RSPO2: variants seen among roughly 807,000 people sequenced by gnomAD.
RSPO2 encodes the protein R-spondin 2.
Under a neutral mutation model 30.9 loss-of-function variants are expected in RSPO2, and 14 were observed. The ratio of observed to expected loss-of-function variants is 0.45; its 90% confidence interval spans 0.30 to 0.71. The LOEUF is 0.71. RSPO2 is among the 30% of genes least tolerant of loss of function. The pLI is 0.08. For synonymous variants in RSPO2, 107 were observed against 96.4 expected (o/e 1.11, Z -0.64); for missense variants, 264 against 301.9 (o/e 0.87, Z 0.93).
intron 5 of RSPO2, among the ~76,000 whole-genome samples, chr8:107,912,699 T>C (rs1382288301): frequency 6.6e-6 from 1 of 152,174 alleles, no homozygotes; most frequent in Non-Finnish European, 1.5e-5. Flanking sequence ...TAATCAAGTT[T>C]GGGGCTTCTG....
intron 2 of RSPO2, among the ~76,000 whole-genome samples, chr8:108,057,978 GC>G (rs2130695478): frequency 6.6e-6 from 1 of 152,194 alleles, no homozygotes; most frequent in Non-Finnish European, 1.5e-5. Context: ...TCCTTCTCCT[GC>G]CTAATTGCCC....
chr8:107,933,370 CAT>C (rs1363038149), intron 5 of RSPO2, among the ~76,000 whole-genome samples: 1 of 152,108 alleles, frequency 6.6e-6, no homozygotes, highest in Non-Finnish European at 1.5e-5. Context: ...GAAATATACA[CAT>C]ATTTAAATTA....
intron 3 of RSPO2, among the ~76,000 whole-genome samples, chr8:107,974,133 T>C (rs944437204): frequency 6.6e-6 from 1 of 152,080 alleles, no homozygotes. Context: ...GTCTAACTGT[T>C]CCAGGGTGGT....
chr8:107,991,183 G>A (rs192948656), intron 2 of RSPO2, among the ~76,000 whole-genome samples: 2 of 151,446 alleles, frequency 1.3e-5, no homozygotes, highest in Non-Finnish European at 2.9e-5. Context: ...GAAGGCAGAG[G>A]TTGTGGTGAA....
intron 5 of RSPO2, among the ~76,000 whole-genome samples, chr8:107,905,752 T>C (rs1294303354): frequency 6.8e-6 from 1 of 146,408 alleles, no homozygotes. Context: ...GACTGAGTTG[T>C]AAATGATGAG....
intron 2 of RSPO2, among the ~76,000 whole-genome samples, chr8:108,072,316 G>T (rs566453089): frequency 6.9e-4 from 91 of 132,654 alleles, no homozygotes; most frequent in Non-Finnish European, 1.2e-3. Flanking sequence ...AGATGGCAGA[G>T]AACTTTTTTT....
intron 2 of RSPO2, among the ~76,000 whole-genome samples, chr8:108,003,026 C>T (rs1216250825): frequency 6.7e-6 from 1 of 150,040 alleles, no homozygotes; most frequent in African/African-American, 2.5e-5. Context: ...AATCTCCAGA[C>T]TTGCACAGAA....
intron 2 of RSPO2, among the ~76,000 whole-genome samples, chr8:108,012,609 C>A (rs1356897373): frequency 6.6e-6 from 1 of 152,140 alleles, no homozygotes; most frequent in Non-Finnish European, 1.5e-5. Flanking sequence ...CTTTTATAAT[C>A]TCAAACTGCA....
chr8:107,949,853 C>T (rs1813185393), intron 5 of RSPO2, among the ~76,000 whole-genome samples: 1 of 152,164 alleles, frequency 6.6e-6, no homozygotes, highest in Non-Finnish European at 1.5e-5. Context: ...CACTTGTACC[C>T]TTTAAATTTA....
chr8:107,960,316 T>C (rs546179359), intron 4 of RSPO2, among the ~76,000 whole-genome samples: 105 of 151,768 alleles, frequency 6.9e-4, no homozygotes, highest in South Asian at 1.7e-3. Context: ...GCAGGAGCAA[T>C]AGAGTAGCTA....
intron 2 of RSPO2, among the ~76,000 whole-genome samples, chr8:108,017,212 T>C (rs1586631219): frequency 6.6e-6 from 1 of 151,860 alleles, no homozygotes; most frequent in Non-Finnish European, 1.5e-5. Context: ...AGAGACGGGG[T>C]TTCACCGTGT....
intron 2 of RSPO2, among the ~76,000 whole-genome samples, 170 bp downstream of exon 2, chr8:108,082,373 CAG>C (rs928898516): frequency 2.6e-5 from 4 of 152,166 alleles, no homozygotes; most frequent in African/African-American, 4.8e-5. Context: ...GTACAGAAAA[CAG>C]AGTGTTTTGT....
chr8:108,049,426 G>T (rs1383142555), intron 2 of RSPO2, among the ~76,000 whole-genome samples: 2 of 151,288 alleles, frequency 1.3e-5, no homozygotes, highest in African/African-American at 4.9e-5. Flanking sequence ...TGGGATACAT[G>T]TGCAGAACAT....
At chr8:108,052,376 C>T (rs1812103054) in intron 2 of RSPO2, among the ~76,000 whole-genome samples, 2 of 152,172 alleles carry the variant, frequency 1.3e-5, no homozygotes, top group South Asian at 2.1e-4. Flanking sequence ...ATGTATTCCC[C>T]AGAATCATGA....
At chr8:108,029,711 G>A (rs1811353633) in intron 2 of RSPO2, among the ~76,000 whole-genome samples, 1 of 152,190 alleles carries the variant, frequency 6.6e-6, no homozygotes, top group Admixed American at 6.5e-5. Context: ...TCCACTAAAA[G>A]GAGTCCTGAA....
At chr8:107,912,681 C>T (rs116716303) in intron 5 of RSPO2, among the ~76,000 whole-genome samples, 413 of 152,270 alleles carry the variant, frequency 2.7e-3, no homozygotes, top group African/African-American at 9.5e-3. Flanking sequence ...GAAAATAAAT[C>T]AAATTGATAA....
At chr8:107,960,304 TAGC>T (rs1206129290) in intron 4 of RSPO2, among the ~76,000 whole-genome samples, 4 of 152,014 alleles carry the variant, frequency 2.6e-5, no homozygotes, top group Non-Finnish European at 5.9e-5. Context: ...TATCCACACA[TAGC>T]AGGAGCAATA....
intron 5 of RSPO2, among the ~76,000 whole-genome samples, chr8:107,914,004 G>T (rs192118032): frequency 2.0e-5 from 3 of 152,204 alleles, no homozygotes; most frequent in East Asian, 1.9e-4. Context: ...ATAGCATTTA[G>T]AAATTTTAAA....
chr8:107,991,545 G>T (rs1814849131), intron 2 of RSPO2, among the ~76,000 whole-genome samples: 1 of 152,110 alleles, frequency 6.6e-6, no homozygotes, highest in Admixed American at 6.6e-5. Flanking sequence ...AGCAAAAATT[G>T]ATAAGTGGGA....
Sources: allele counts gnomAD v4.1 joint callset (sites outside exome capture counted in the v4.1 genomes callset), GRCh38; gene constraint gnomAD v4.1.1; transcripts MANE v1.5; gene names NCBI Gene and HGNC (gene_info 2026-07-23, HGNC 2026-07-21).